KIZ: variants seen among roughly 807,000 people sequenced by gnomAD.
KIZ encodes the protein centrosomal protein kizuna.
KIZ carries 68 observed loss-of-function variants against 79.6 expected under a neutral mutation model. The ratio of observed to expected loss-of-function variants is 0.85; its 90% CI spans 0.70 to 1.05. KIZ has a LOEUF of 1.05. Ranked by LOEUF, KIZ falls within the 50% of genes least tolerant of loss-of-function variation. KIZ has a pLI of 0.00. For synonymous variants in KIZ, 280 were observed against 281.8 expected, an observed-to-expected ratio of 0.99 and a Z score of 0.06; for missense variants, 797 against 800.4, an observed-to-expected ratio of 1.00 and a Z score of 0.05.
rs569535416 is a variant in KIZ at position 21,142,333 on chromosome 20, CTTA to C, written c.316-3226_316-3224del. On this transcript the variant is annotated intron_variant, in intron 3 of 12. Coordinates refer to ENST00000619189, the MANE Select transcript of KIZ (RefSeq NM_018474.6). Reference sequence around the variant, plus strand: ...TCCCACTTCACTGTGAGCTCCTTGTCTTATTATTTCAATGCTCTCAGTATCTGA... The same window carrying C: ...TCCCACTTCACTGTGAGCTCCTTGTCTTATTTCAATGCTCTCAGTATCTGA... Among the ~76,000 whole-genome samples the C allele has an allele frequency of 1.7e-3, 253 of 152,128 alleles. 3 individuals are homozygous for C. The highest frequency in any genetic ancestry group is 6.0e-3 in the African/African-American group (249 of 41,450).
At chr20:21,128,572 G>A (rs982067279) in intron 1 of KIZ, among the ~76,000 whole-genome samples, 1 of 152,216 alleles carries the variant, frequency 6.6e-6, no homozygotes, top group Non-Finnish European at 1.5e-5. Context: ...GTAGTTACAC[G>A]TAGATGTAAT....
intron 9 of KIZ, among the ~76,000 whole-genome samples, chr20:21,222,372 A>C (rs963593984): frequency 2.0e-5 from 3 of 152,190 alleles, no homozygotes; most frequent in Admixed American, 6.5e-5. Context: ...AGTGGCACCC[A>C]GGCATAAGTA....
In KIZ at chr20:21,188,762, C is replaced by T. The variant is rs1298409179; in HGVS notation, c.1353-16729C>T. The stretch of plus-strand genomic sequence containing the variant: ...TCACCCAGGCTGGAGTGCAGTGGCA[C>T]GATCTGGGCTCACTGCAAGCTCTGC... On this transcript the variant is annotated intron_variant, in intron 6 of 12. Coordinates refer to ENST00000619189, the MANE Select transcript of KIZ (RefSeq NM_018474.6). Among the ~76,000 whole-genome samples the T allele has an allele frequency of 7.9e-5, 12 of 151,534 alleles. No homozygotes were observed. In the East Asian group the frequency reaches 1.6e-3, roughly 20 times the overall value.
chr20:21,143,551 A>G (rs1056428410), intron 3 of KIZ, among the ~76,000 whole-genome samples: 2 of 152,212 alleles, frequency 1.3e-5, no homozygotes, highest in African/African-American at 4.8e-5. Flanking sequence ...TTCAGCTGAA[A>G]TAAATTACAT....
intron 6 of KIZ, among the ~76,000 whole-genome samples, chr20:21,172,656 G>C (rs1188989838): frequency 6.6e-6 from 1 of 152,052 alleles, no homozygotes; most frequent in Non-Finnish European, 1.5e-5. Flanking sequence ...AGAAGGCATG[G>C]GTGCAGTTTA....
intron 2 of KIZ, chr20:21,133,250 G>T (rs2031964952): frequency 6.6e-6 from 1 of 152,218 alleles, no homozygotes; most frequent in Admixed American, 6.5e-5. Flanking sequence ...TTAAGATTTA[G>T]TGTACTTCCA....
At position 21,214,436 on chromosome 20, in the gene KIZ, G is replaced by T. The variant is rs988455644; in HGVS notation, c.1447-99G>T. On this transcript the variant is annotated intron_variant, in intron 7 of 12. Transcript: ENST00000619189. ...GGAAACAGATTAAATCCTAAGTAAAGCTTAACTTAAAATTATATTTGAAGG... is the reference window on the plus strand; with the variant it reads ...GGAAACAGATTAAATCCTAAGTAAATCTTAACTTAAAATTATATTTGAAGG... The T allele has an allele frequency of 2.4e-4, 193 of 811,972 alleles. No homozygotes were observed. In the African/African-American group the frequency reaches 3.0e-3, roughly 13 times the overall value. 50.3% of individuals were successfully genotyped at this position (811,972 alleles called of 1,614,324 possible).
chr20:21,226,072 T>A (rs41279020), intron 9 of KIZ: 23 of 152,354 alleles, frequency 1.5e-4, no homozygotes, highest in Non-Finnish European at 3.4e-4. Context: ...ACCATCTAGT[T>A]TGGAGGCTAC....
intron 6 of KIZ, among the ~76,000 whole-genome samples, chr20:21,180,686 G>A (rs951832187): frequency 1.3e-5 from 2 of 152,188 alleles, no homozygotes; most frequent in Non-Finnish European, 2.9e-5. Context: ...AAATAAGGCA[G>A]GAGAAAGCAG....
chr20:21,172,239 T>A (rs1228263577), intron 6 of KIZ, among the ~76,000 whole-genome samples: 2 of 152,194 alleles, frequency 1.3e-5, no homozygotes, highest in Non-Finnish European at 2.9e-5. Flanking sequence ...GTTCTTGCTT[T>A]ATGGTACTTA....
chr20:21,133,220 T>C (rs1236338109), intron 2 of KIZ: 1 of 152,242 alleles, frequency 6.6e-6, no homozygotes, highest in Non-Finnish European at 1.5e-5. Context: ...TTCCCTTGTC[T>C]TCAAAATTAT....
intron 1 of KIZ, 81 bp downstream of exon 1, chr20:21,126,285 C>T: frequency 9.9e-7 from 1 of 1,008,388 alleles, no homozygotes; most frequent in Non-Finnish European, 1.3e-6. Flanking sequence ...CCTTCCCGCT[C>T]CCCCGTCCGA....
chr20:21,210,023 A>C (rs2036002824), intron 7 of KIZ, among the ~76,000 whole-genome samples: 2 of 152,212 alleles, frequency 1.3e-5, no homozygotes, highest in Non-Finnish European at 2.9e-5. Flanking sequence ...AACCCTGTTA[A>C]CATTATGGTG....
At chr20:21,175,161 G>A (rs1165670827) in intron 6 of KIZ, among the ~76,000 whole-genome samples, 1 of 152,158 alleles carries the variant, frequency 6.6e-6, no homozygotes, top group African/African-American at 2.4e-5. Flanking sequence ...ATAACCCAGT[G>A]GCAGTAGATG....
chr20:21,204,647 T>C (rs1458748793), intron 6 of KIZ, among the ~76,000 whole-genome samples: 1 of 130,528 alleles, frequency 7.7e-6, no homozygotes, highest in African/African-American at 3.0e-5. Context: ...CTTCCTTACT[T>C]TCTGGTACAA....
chr20:21,182,740 T>C (rs1325890828), intron 6 of KIZ, among the ~76,000 whole-genome samples: 5 of 142,572 alleles, frequency 3.5e-5, no homozygotes, highest in Non-Finnish European at 1.5e-5. Flanking sequence ...GAGGTTGCAG[T>C]GAGCCGAGAT....
intron 6 of KIZ, among the ~76,000 whole-genome samples, chr20:21,191,957 C>T (rs1334414687): frequency 6.6e-6 from 1 of 152,022 alleles, no homozygotes; most frequent in African/African-American, 2.4e-5. Flanking sequence ...GTTTTAGTTT[C>T]TTCTACTCAC....
intron 4 of KIZ, among the ~76,000 whole-genome samples, chr20:21,147,034 G>A (rs553388588): frequency 5.9e-5 from 9 of 152,262 alleles, no homozygotes; most frequent in South Asian, 2.1e-4. Flanking sequence ...TGAAATAATT[G>A]ATGTGTTTTA....
intron 6 of KIZ, chr20:21,195,439 A>C (rs960272447): frequency 1.6e-4 from 25 of 152,316 alleles, no homozygotes; most frequent in African/African-American, 6.0e-4. Flanking sequence ...ACACCTTACC[A>C]TGGAGGGAAC....
Sources: allele counts gnomAD v4.1 joint callset (sites outside exome capture counted in the v4.1 genomes callset), GRCh38; gene constraint gnomAD v4.1.1; transcripts MANE v1.5; gene names NCBI Gene and HGNC (gene_info 2026-07-23, HGNC 2026-07-21).